The following TENM3 variants were observed in gnomAD, a reference collection of about 807,000 sequenced individuals.
TENM3 encodes teneurin-3.
A neutral mutation model predicts 255.1 loss-of-function variants in TENM3; 63 were observed. That is an observed-to-expected ratio of 0.25 (90% CI 0.20 to 0.30). The LOEUF (loss-of-function observed/expected upper bound fraction) is 0.30, where lower values mean the gene tolerates loss of function less well. Among genes scored for constraint, TENM3 ranks in the 10% least tolerant of loss-of-function variants. The pLI, the probability that TENM3 is intolerant of heterozygous loss-of-function variation, is 1.00. For synonymous variants in TENM3, 1,306 were observed against 1,322.3 expected, an observed-to-expected ratio of 0.99 and a Z score of 0.27; for missense variants, 2,929 against 3,461.1, an observed-to-expected ratio of 0.85 and a Z score of 3.86.
At chr4:182,108,416 T>C in the TENM3 span, among the ~76,000 whole-genome samples, 1 of 152,216 alleles carries the variant, frequency 6.6e-6, no homozygotes, top group Non-Finnish European at 1.5e-5. Flanking sequence ...GAATGAGGAA[T>C]ACTGTTTCCT....
chr4:182,767,969 T>G, intron 22 of TENM3, among the ~76,000 whole-genome samples: 1 of 152,166 alleles, frequency 6.6e-6, no homozygotes, highest in East Asian at 1.9e-4. Flanking sequence ...CCGGCTTCCC[T>G]AGGTGAAAAT....
chr4:182,047,447 A>C, the TENM3 span, among the ~76,000 whole-genome samples: 1 of 150,746 alleles, frequency 6.6e-6, no homozygotes, highest in South Asian at 2.1e-4. Context: ...CTGTAGTCTC[A>C]GCTACTCAGG....
chr4:182,361,007 C>G (rs1168255013), intron 3 of TENM3, among the ~76,000 whole-genome samples: 2 of 152,128 alleles, frequency 1.3e-5, no homozygotes, highest in Non-Finnish European at 2.9e-5. Context: ...ATATGAAATT[C>G]TGGGTTGAAA....
At chr4:182,175,306 A>ATATATATATATAT (rs1326077334) in intron 1 of TENM3, among the ~76,000 whole-genome samples, 4 of 80,492 alleles carry the variant, frequency 5.0e-5, no homozygotes, top group African/African-American at 1.5e-4. Context: ...CTTCATTAAA[A>ATATATATATATAT]AAAAAAAAAT....
chr4:181,649,044 A>G, the TENM3 span, among the ~76,000 whole-genome samples: 8 of 152,334 alleles, frequency 5.3e-5, no homozygotes, highest in Non-Finnish European at 8.8e-5. Flanking sequence ...TATTATCATT[A>G]TCATTCGGGG....
the TENM3 span, among the ~76,000 whole-genome samples, chr4:182,027,055 G>A: frequency 2.0e-5 from 3 of 151,972 alleles, no homozygotes; most frequent in African/African-American, 7.2e-5. Context: ...GGGTAGGGTG[G>A]ACATTTTAAC....
the TENM3 span, among the ~76,000 whole-genome samples, chr4:181,950,860 G>C: frequency 6.6e-6 from 1 of 152,222 alleles, no homozygotes; most frequent in African/African-American, 2.4e-5. Context: ...GGGCAACATA[G>C]TGGGATCCTG....
the TENM3 span, among the ~76,000 whole-genome samples, chr4:181,898,127 A>C: frequency 6.6e-6 from 1 of 152,228 alleles, no homozygotes; most frequent in Non-Finnish European, 1.5e-5. Flanking sequence ...CACTTCATGC[A>C]ATCCAACTTC....
the TENM3 span, among the ~76,000 whole-genome samples, chr4:181,798,316 A>T: frequency 6.6e-6 from 1 of 151,542 alleles, no homozygotes; most frequent in African/African-American, 2.4e-5. Context: ...TTATTTATTT[A>T]TTTATTTTTT....
chr4:182,416,612 AT>A (rs142847910), intron 3 of TENM3, among the ~76,000 whole-genome samples: 1,868 of 152,262 alleles, frequency 0.012, 31 homozygotes, highest in African/African-American at 0.042. Flanking sequence ...ATAACTCGTG[AT>A]TTAAATAAAG....
chr4:181,862,376 T>G, the TENM3 span, among the ~76,000 whole-genome samples: 3 of 152,136 alleles, frequency 2.0e-5, no homozygotes, highest in Admixed American at 2.0e-4. Flanking sequence ...TTAGAATTCC[T>G]GTAAATCATT....
At chr4:182,389,496 C>T (rs1451763756) in intron 3 of TENM3, among the ~76,000 whole-genome samples, 2 of 151,730 alleles carry the variant, frequency 1.3e-5, no homozygotes, top group East Asian at 3.9e-4. Flanking sequence ...CATATAATTA[C>T]TTTAAAAATT....
At chr4:182,328,619 G>A (rs1446277053) in intron 2 of TENM3, among the ~76,000 whole-genome samples, 1 of 152,172 alleles carries the variant, frequency 6.6e-6, no homozygotes, top group Non-Finnish European at 1.5e-5. Context: ...GAAGAAGGAA[G>A]GCAGTTTGAG....
intron 1 of TENM3, among the ~76,000 whole-genome samples, chr4:182,152,402 T>C (rs757865662): frequency 6.6e-6 from 1 of 152,010 alleles, no homozygotes; most frequent in Non-Finnish European, 1.5e-5. Context: ...GTATGTAAGG[T>C]ATACCTGTCA....
the TENM3 span, among the ~76,000 whole-genome samples, chr4:181,755,896 G>T: frequency 1.3e-5 from 2 of 152,188 alleles, no homozygotes; most frequent in African/African-American, 4.8e-5. Context: ...TATTGCCCCT[G>T]ATTGCTGTCT....
intron 1 of TENM3, among the ~76,000 whole-genome samples, chr4:182,234,283 G>T (rs372858691): frequency 6.6e-6 from 1 of 152,118 alleles, no homozygotes; most frequent in Admixed American, 6.5e-5. Flanking sequence ...GGGAATAGTC[G>T]TACAGAGCAC....
chr4:182,531,582 G>T (rs1048851452), intron 3 of TENM3, among the ~76,000 whole-genome samples: 2 of 152,142 alleles, frequency 1.3e-5, no homozygotes, highest in Non-Finnish European at 2.9e-5. Flanking sequence ...AGGAACTACA[G>T]CAAAGTCAGC....
the TENM3 span, among the ~76,000 whole-genome samples, chr4:182,121,416 C>G: frequency 6.6e-6 from 1 of 152,056 alleles, no homozygotes; most frequent in East Asian, 1.9e-4. Flanking sequence ...GGCAAAATAA[C>G]GTTGGTGGCT....
chr4:182,506,162 C>A (rs17322836), intron 3 of TENM3, among the ~76,000 whole-genome samples: 1 of 152,028 alleles, frequency 6.6e-6, no homozygotes, highest in Non-Finnish European at 1.5e-5. Context: ...TAGTTACTTA[C>A]CATCGGCTTC....
Sources: allele counts gnomAD v4.1 joint callset (sites outside exome capture counted in the v4.1 genomes callset), GRCh38; gene constraint gnomAD v4.1.1; transcripts MANE v1.5; gene names NCBI Gene and HGNC (gene_info 2026-07-23, HGNC 2026-07-21).